Variants in STX17 observed in about 807,000 individuals in gnomAD.
STX17 encodes the protein syntaxin 17.
Under a neutral mutation model 35.9 loss-of-function variants are expected in STX17, and 29 were observed. That is an observed-to-expected ratio of 0.81 (90% CI 0.60 to 1.10). The LOEUF is 1.10. Among genes scored for constraint, STX17 ranks in the 50% least tolerant of loss-of-function variants. The probability of loss-of-function intolerance (pLI) is 0.00; values close to 1 mark genes in which losing one functional copy is unlikely to be tolerated. For synonymous variants in STX17, 92 were observed against 118.3 expected (o/e 0.78, Z 1.44); for missense variants, 312 against 352.3 (o/e 0.89, Z 0.92).
chr9:99,950,995 A>G (rs1454323658), intron 3 of STX17, 65 bp from the exon 4 acceptor site: 3 of 1,348,306 alleles, frequency 2.2e-6, no homozygotes, highest in Admixed American at 2.2e-5. Flanking sequence ...TTATAACATT[A>G]CTTCTGAAAA....
chr9:99,957,852 C>T (rs949552782), intron 4 of STX17, among the ~76,000 whole-genome samples: 6 of 150,928 alleles, frequency 4.0e-5, no homozygotes, highest in Non-Finnish European at 5.9e-5. Flanking sequence ...GGGGTTTCGC[C>T]GTGTTGCCCA....
chr9:99,925,981 C>T (rs1828977980), intron 2 of STX17, among the ~76,000 whole-genome samples: 1 of 151,836 alleles, frequency 6.6e-6, no homozygotes, highest in Non-Finnish European at 1.5e-5. Flanking sequence ...TCATTTGGCC[C>T]ATGACTATTG....
chr9:99,940,204 C>T (rs1159290913), intron 3 of STX17, among the ~76,000 whole-genome samples: 9 of 152,156 alleles, frequency 5.9e-5, no homozygotes, highest in Non-Finnish European at 1.5e-5. Context: ...GATCTCAGCT[C>T]ACTGCAACCA....
chr9:99,958,421 A>G (rs1420420534), intron 4 of STX17, among the ~76,000 whole-genome samples: 2 of 152,212 alleles, frequency 1.3e-5, no homozygotes, highest in African/African-American at 4.8e-5. Flanking sequence ...TGTCTGTATC[A>G]TGCATTTTAT....
At chr9:99,920,531 ATACT>A (rs1347332825) in intron 2 of STX17, among the ~76,000 whole-genome samples, 2 of 152,314 alleles carry the variant, frequency 1.3e-5, no homozygotes, top group Non-Finnish European at 2.9e-5. Flanking sequence ...GAGATAATAA[ATACT>A]TATTATTAAA....
In STX17 at chr9:99,931,600, G is replaced by C. The variant is rs73654149; in HGVS notation, c.189+2757G>C. ...CACATTTCTTTGGCTGCTTTCACAC[G>C]GTAACAGCAGAGTTAAGTAGTTGCA... On this transcript the variant is annotated intron_variant, in intron 3 of 7. Transcript: ENST00000259400. Among the ~76,000 whole-genome samples the C allele has an allele frequency of 2.0e-5, 3 of 151,750 alleles. No individual in the cohort carries two copies. The East Asian group carries it at 5.8e-4, about 29-fold the overall frequency.
At position 99,970,347 on chromosome 9, in the gene STX17, G is replaced by T. The variant is rs892584629; in HGVS notation, c.*1674G>T. Reference sequence around the variant, plus strand: ...AAATAACTAGAAAGTATCAAGTATTGCTCTCTGCTGCTTTATATCATTAAC... The same window carrying T: ...AAATAACTAGAAAGTATCAAGTATTTCTCTCTGCTGCTTTATATCATTAAC... On this transcript the variant is annotated 3_prime_UTR_variant, in exon 8 of 8. Transcript: ENST00000259400. 1.3e-5 allele frequency: 2 copies of T among 152,068 alleles called. No individual in the cohort carries two copies. The highest frequency in any genetic ancestry group is 4.8e-5 in the African/African-American group (2 of 41,390). The allele number at this position is 152,068 out of a possible 1,614,324, so 9.4% of individuals were successfully genotyped here. A position where few individuals can be genotyped will look rare whatever the true frequency, so the allele number is the denominator to read the frequency against.
chr9:99,938,905 T>C (rs900745483), intron 3 of STX17, among the ~76,000 whole-genome samples: 2 of 152,098 alleles, frequency 1.3e-5, no homozygotes, highest in African/African-American at 2.4e-5. Context: ...TAGAACTTGT[T>C]GAGGTCACAG....
intron 1 of STX17, among the ~76,000 whole-genome samples, chr9:99,909,457 G>A (rs1026579314): frequency 6.6e-6 from 1 of 152,198 alleles, no homozygotes; most frequent in African/African-American, 2.4e-5. Flanking sequence ...ATTTTGATAG[G>A]AATGATGGTA....
intron 1 of STX17, among the ~76,000 whole-genome samples, chr9:99,910,800 T>G (rs1463836425): frequency 2.0e-5 from 3 of 152,222 alleles, no homozygotes; most frequent in African/African-American, 7.2e-5. Context: ...TGTATGTTTG[T>G]ACCCATTAAT....
chr9:99,964,007 C>T (rs1354442559), intron 6 of STX17, among the ~76,000 whole-genome samples: 3 of 152,076 alleles, frequency 2.0e-5, no homozygotes, highest in Non-Finnish European at 2.9e-5. Context: ...AATAAATGGA[C>T]GTACCTGGAG....
chr9:99,908,828 C>G (rs1828606508), intron 1 of STX17, among the ~76,000 whole-genome samples: 1 of 152,178 alleles, frequency 6.6e-6, no homozygotes, highest in Non-Finnish European at 1.5e-5. Flanking sequence ...ACAGAAGACA[C>G]CAGTCTATAC....
At chr9:99,926,730 C>T (rs1828993651) in intron 2 of STX17, among the ~76,000 whole-genome samples, 1 of 152,246 alleles carries the variant, frequency 6.6e-6, no homozygotes, top group East Asian at 1.9e-4. Flanking sequence ...GATATCCTGA[C>T]CTTGTGATCC....
chr9:99,950,952 G>T, intron 3 of STX17, 108 bp from the exon 4 acceptor site: 1 of 1,025,052 alleles, frequency 9.8e-7, no homozygotes. Flanking sequence ...CTTCTATTGT[G>T]GAGATATTTG....
In STX17 at chr9:99,968,573, C is replaced by A; in HGVS notation, c.809C>A (p.Thr270Lys). ...AALGGGVLGF[T>K]GGKLIQRKKQ... ...CTTGGTGGTGGGGTGTTGGGCTTCA[C>A]AGGTGGAAAATTGATACAAAGAAAG... Residue 270 changes from threonine to lysine, a missense_variant, in exon 8 of 8, where the codon ACA (threonine) becomes AAA (lysine). By Grantham distance (78) the Thr-to-Lys change is moderately conservative (BLOSUM62 -1). Transcript: ENST00000259400. The A allele has an allele frequency of 6.2e-7, 1 of 1,613,894 alleles. No individual in the cohort carries two copies. Among genetic ancestry groups the A allele is most frequent in the Non-Finnish European group, 8.5e-7 (1 of 1,179,940 alleles).
chr9:99,914,275 A>G (rs537562621), intron 1 of STX17: 6 of 152,360 alleles, frequency 3.9e-5, no homozygotes, highest in East Asian at 1.9e-4. Context: ...GCATGAAAGC[A>G]TGGTGTACAA....
chr9:99,910,237 CA>C (rs1327135277), intron 1 of STX17, among the ~76,000 whole-genome samples: 51 of 104,688 alleles, frequency 4.9e-4, no homozygotes, highest in African/African-American at 1.7e-3. Flanking sequence ...CGTCTCAAAA[CA>C]AAAAAAAAGA....
At chr9:99,953,644 C>T (rs952586687) in intron 4 of STX17, among the ~76,000 whole-genome samples, 8 of 151,850 alleles carry the variant, frequency 5.3e-5, no homozygotes, top group Non-Finnish European at 1.5e-5. Context: ...TCTTATGTAC[C>T]CAGACATTGT....
intron 3 of STX17, among the ~76,000 whole-genome samples, chr9:99,930,087 A>T (rs1829085600): frequency 6.9e-6 from 1 of 144,022 alleles, no homozygotes. Context: ...TAATTTTTGT[A>T]TTTTTAGTTG....
Sources: allele counts gnomAD v4.1 joint callset (sites outside exome capture counted in the v4.1 genomes callset), GRCh38; gene constraint gnomAD v4.1.1; transcripts MANE v1.5; gene names NCBI Gene and HGNC (gene_info 2026-07-23, HGNC 2026-07-21).